SAMD4B: variants seen among roughly 807,000 people sequenced by gnomAD.
The protein encoded by SAMD4B is sterile alpha motif domain containing 4B.
A neutral mutation model predicts 74.5 loss-of-function variants in SAMD4B; 5 were observed. That is an observed-to-expected ratio of 0.07 (90% CI 0.04 to 0.14). The LOEUF (loss-of-function observed/expected upper bound fraction) is 0.14. Ranked by LOEUF, SAMD4B falls within the 10% of genes least tolerant of loss-of-function variation. The probability of loss-of-function intolerance (pLI) is 1.00; values close to 1 mark genes in which losing one functional copy is unlikely to be tolerated. For synonymous variants in SAMD4B, 373 were observed against 374.9 expected (o/e 1.00, Z 0.06); for missense variants, 608 against 921.8 (o/e 0.66, Z 4.41).
downstream of SAMD4B, chr19:39,386,811 G>A (rs771928259): frequency 2.5e-6 from 4 of 1,582,770 alleles, no homozygotes; most frequent in Non-Finnish European, 3.5e-6. The surrounding 1 kb of genome is among the most constrained non-coding windows in gnomAD (Gnocchi z 6.1). Context: ...TGCAGGGGGT[G>A]AATTTGGGAG....
At chr19:39,346,387 G>T (rs550812482) in intron 1 of SAMD4B, among the ~76,000 whole-genome samples, 2 of 152,118 alleles carry the variant, frequency 1.3e-5, no homozygotes, top group Non-Finnish European at 2.9e-5. Context: ...CTCACCCATG[G>T]TATCTCTTCT....
At chr19:39,351,048 C>G (rs2076011586) in intron 1 of SAMD4B, 1 of 152,454 alleles carries the variant, frequency 6.6e-6, no homozygotes, top group African/African-American at 2.4e-5. Flanking sequence ...GTGGCACGAT[C>G]TTGGCTCACT....
At chr19:39,355,495 A>G (rs769960125) in intron 2 of SAMD4B, among the ~76,000 whole-genome samples, 2 of 152,124 alleles carry the variant, frequency 1.3e-5, no homozygotes, top group South Asian at 2.1e-4. Context: ...AGTAGGTTCA[A>G]TGGGTCTTTG....
chr19:39,369,634 T>A, intron 3 of SAMD4B, 21 bp from the exon 4 acceptor site: 1 of 1,605,742 alleles, frequency 6.2e-7, no homozygotes, highest in Non-Finnish European at 8.5e-7. Context: ...CTCCTGATAT[T>A]TCTTCTTATC....
chr19:39,373,226 C>G (rs932387800), intron 4 of SAMD4B, among the ~76,000 whole-genome samples: 9 of 152,302 alleles, frequency 5.9e-5, no homozygotes, highest in African/African-American at 1.9e-4. Context: ...TCCTCACCTA[C>G]CCAGGGTGAG....
At chr19:39,364,243 G>A (rs1434145484) in intron 3 of SAMD4B, among the ~76,000 whole-genome samples, 1 of 152,222 alleles carries the variant, frequency 6.6e-6, no homozygotes, top group Non-Finnish European at 1.5e-5. Flanking sequence ...CTCTGGAGTG[G>A]GGAAAGGACT....
At chr19:39,376,330 T>A (rs1242256667) in intron 5 of SAMD4B, 107 bp from the exon 6 acceptor site, 1 of 868,574 alleles carries the variant, frequency 1.2e-6, no homozygotes, top group African/African-American at 1.7e-5. Flanking sequence ...CCCTCCCAAT[T>A]TTTTGCATCT....
Position 39,383,663 on chromosome 19 carries a change from TCTTAA to T in SAMD4B, c.*140_*144del, listed in dbSNP as rs761233629. On this transcript the variant is annotated 3_prime_UTR_variant, in exon 14 of 14. Transcript: ENST00000610417. This position sits in a 1 kb window ranked among gnomAD's most constrained non-coding sequence, Gnocchi z 4.1. ...CTAATATTTTTCTACTCTCTTACCC[TCTTAA>T]CTTTTGTTTAACATTGGCACATGCC... 5.7e-6 allele frequency: 9 copies of T among 1,580,056 alleles called. No homozygotes were observed. Among genetic ancestry groups the T allele is most frequent in the African/African-American group, 1.4e-5 (1 of 73,748 alleles).
chr19:39,371,210 C>T (rs2077272406), intron 4 of SAMD4B, among the ~76,000 whole-genome samples: 1 of 152,144 alleles, frequency 6.6e-6, no homozygotes, highest in Non-Finnish European at 1.5e-5. Flanking sequence ...TAAAGCAAGA[C>T]AAGAGAGAGT....
At chr19:39,365,959 G>T (rs1174155728) in intron 3 of SAMD4B, among the ~76,000 whole-genome samples, 3 of 152,148 alleles carry the variant, frequency 2.0e-5, no homozygotes, top group African/African-American at 7.2e-5. Context: ...TTAGCACTTT[G>T]GGAGGCTGAG....
At chr19:39,373,574 G>T (rs150553382) in intron 4 of SAMD4B, among the ~76,000 whole-genome samples, 3 of 152,304 alleles carry the variant, frequency 2.0e-5, no homozygotes, top group Non-Finnish European at 4.4e-5. Flanking sequence ...GTGGCTGATG[G>T]AGAAGAGTTG....
At chr19:39,386,107 G>A (rs147646603), downstream of SAMD4B, 72 of 1,613,886 alleles carry the variant, frequency 4.5e-5, no homozygotes, top group African/African-American at 2.1e-4. The surrounding 1 kb of genome is among the most constrained non-coding windows in gnomAD (Gnocchi z 6.1). Flanking sequence ...CTGTGGCTCC[G>A]GCTCCGCTGG....
In SAMD4B at chr19:39,356,887, C is replaced by A. The variant is rs781461617; in HGVS notation, c.-7C>A. ...CGTCCCCCGACCCTGGCCCCAGGCC[C>A]GGCACCATGATGTTCCGAGACCAGG... On this transcript the variant is annotated 5_prime_UTR_variant, in exon 3 of 14. Coordinates refer to ENST00000610417, the MANE Select transcript of SAMD4B (RefSeq NM_001384574.2). The A allele has an allele frequency of 6.2e-7, 1 of 1,602,034 alleles. No individual in the cohort carries two copies. The highest frequency in any genetic ancestry group is 1.1e-5 in the South Asian group (1 of 90,384).
At chr19:39,376,943 G>C in intron 7 of SAMD4B, 152 bp downstream of exon 7, 1 of 624,528 alleles carries the variant, frequency 1.6e-6, no homozygotes, top group Admixed American at 2.9e-5. Context: ...CATGCAAGCC[G>C]GCATCAAAAG....
intron 1 of SAMD4B, among the ~76,000 whole-genome samples, chr19:39,349,417 A>G (rs1310835355): frequency 6.6e-6 from 1 of 152,084 alleles, no homozygotes. Flanking sequence ...AGTTTACCGG[A>G]GCTCCCCATA....
Position 39,369,646 on chromosome 19 carries a change from C to A in SAMD4B, c.197-9C>A. On this transcript the variant is annotated splice_polypyrimidine_tract_variant and intron_variant, in intron 3 of 13. Coordinates refer to ENST00000610417, the MANE Select transcript of SAMD4B (RefSeq NM_001384574.2). ...GCTCTCCTGATATTTCTTCTTATCC[C>A]TTCTGTAGCCATCGTCAGCCAGTGG... 1 of 1,612,320 alleles carries A rather than the reference C, an allele frequency of 6.2e-7. No individual in the cohort carries two copies. Among genetic ancestry groups the A allele is most frequent in the Non-Finnish European group, 8.5e-7 (1 of 1,178,916 alleles).
At position 39,369,685 on chromosome 19, in the gene SAMD4B, A is replaced by G. The variant is rs1442311330; in HGVS notation, c.227A>G (p.Lys76Arg). Residue 76 changes from lysine to arginine, a missense_variant, in exon 4 of 14, where the codon AAA becomes AGA. This residue lies in a region of SAMD4B where 74 missense variants were observed against 182.0 expected (regional missense o/e 0.41). Transcript: ENST00000610417. ...AIVSQWQQES[K>R]EKVVSLLLSH... is the part of the protein sequence containing the mutation. The stretch of plus-strand genomic sequence containing the variant: ...GTCAGCCAGTGGCAGCAGGAGTCCA[A>G]AGAGAAGGTGGTGTCCCTCCTGCTG... The G allele has an allele frequency of 5.0e-6, 8 of 1,614,132 alleles. No homozygotes were observed. Among genetic ancestry groups the G allele is most frequent in the Non-Finnish European group, 6.8e-6 (8 of 1,180,004 alleles).
chr19:39,386,454 TCC>T, downstream of SAMD4B: 1 of 1,614,032 alleles, frequency 6.2e-7, no homozygotes, highest in East Asian at 2.2e-5. This position sits in a 1 kb window ranked among gnomAD's most constrained non-coding sequence, Gnocchi z 6.1. Flanking sequence ...CTCCCAGGGC[TCC>T]CAGAGTCTGG....
downstream of SAMD4B, chr19:39,388,687 G>A (rs1600611345): frequency 6.2e-7 from 1 of 1,612,980 alleles, no homozygotes; most frequent in Non-Finnish European, 8.5e-7. Context: ...CTGGTTGGGG[G>A]AAAAGGAGTA....
Sources: gnomAD v4.1 joint callset for allele counts (sites outside exome capture counted in the v4.1 genomes callset) on GRCh38, gnomAD v4.1.1 for gene constraint, gnomAD v4.1.1 regional missense constraint, Gnocchi (gnomAD v3.1) non-coding constraint, MANE v1.5 for transcripts, NCBI Gene and HGNC (gene_info 2026-07-23, HGNC 2026-07-21) for gene names.